FBXW10B: variants seen among roughly 807,000 people sequenced by gnomAD.
FBXW10B encodes the protein F-box and WD repeat domain containing 10B.
the FBXW10B span, among the ~76,000 whole-genome samples, chr17:15,568,291 A>G: frequency 6.6e-6 from 1 of 152,032 alleles, no homozygotes; most frequent in East Asian, 1.9e-4. Flanking sequence ...CTGGAGGTGC[A>G]GTGGTGACTA....
chr17:15,617,036 G>A, the FBXW10B span, among the ~76,000 whole-genome samples: 3 of 152,134 alleles, frequency 2.0e-5, no homozygotes, highest in Admixed American at 2.0e-4. Context: ...AGCCCACGTG[G>A]TGGGTGACCT....
chr17:15,598,698 A>C, the FBXW10B span: 25 of 1,591,484 alleles, frequency 1.6e-5, 1 homozygote, highest in Non-Finnish European at 2.1e-5. Flanking sequence ...CTGAGGGCCC[A>C]AAGGATCATA....
At chr17:15,589,112 C>T in the FBXW10B span, 913,393 of 1,404,844 alleles carry the variant, frequency 0.65, 261,813 homozygotes, top group Middle Eastern at 0.78. Flanking sequence ...TGGAGTCTCA[C>T]ATGAGCACAC....
chr17:15,593,472 A>G, the FBXW10B span: 1 of 1,614,168 alleles, frequency 6.2e-7, no homozygotes, highest in Non-Finnish European at 8.5e-7. Flanking sequence ...CCGGAGGAAG[A>G]GAAGGGACAC....
At chr17:15,580,885 T>C in the FBXW10B span, among the ~76,000 whole-genome samples, 5 of 152,070 alleles carry the variant, frequency 3.3e-5, no homozygotes, top group Admixed American at 3.3e-4. Context: ...AACAAGCACT[T>C]TTTAAGTGCT....
chr17:15,593,461 C>G, the FBXW10B span: 2 of 1,614,088 alleles, frequency 1.2e-6, no homozygotes, highest in Non-Finnish European at 1.7e-6. Flanking sequence ...GCGCTGATGA[C>G]CCGGAGGAAG....
the FBXW10B span, among the ~76,000 whole-genome samples, chr17:15,614,329 C>T: frequency 6.6e-6 from 1 of 152,152 alleles, no homozygotes; most frequent in South Asian, 2.1e-4. Flanking sequence ...GCTGGGACTA[C>T]AGGCGCCCGC....
the FBXW10B span, among the ~76,000 whole-genome samples, chr17:15,580,140 G>A: frequency 5.3e-5 from 8 of 151,550 alleles, no homozygotes; most frequent in Admixed American, 2.0e-4. Context: ...ACCATGAACC[G>A]ATTTGCATGC....
At chr17:15,605,503 G>T in the FBXW10B span, 70 of 1,226,108 alleles carry the variant, frequency 5.7e-5, no homozygotes, top group Non-Finnish European at 7.6e-5. Context: ...CATGACTTTT[G>T]CCTACAGCAG....
chr17:15,602,926 G>A, the FBXW10B span, among the ~76,000 whole-genome samples: 4 of 110,828 alleles, frequency 3.6e-5, 1 homozygote, highest in Non-Finnish European at 5.2e-5. Context: ...CGCGCCCGGC[G>A]AGACCGAGTT....
chr17:15,608,432 T>C, the FBXW10B span, among the ~76,000 whole-genome samples: 1 of 151,478 alleles, frequency 6.6e-6, no homozygotes, highest in Non-Finnish European at 1.5e-5. Flanking sequence ...AGTGCTGGGA[T>C]TACAGGCGTG....
the FBXW10B span, among the ~76,000 whole-genome samples, chr17:15,567,074 A>T: frequency 6.6e-6 from 1 of 150,758 alleles, no homozygotes; most frequent in Non-Finnish European, 1.5e-5. Flanking sequence ...GATCCAGACC[A>T]TCCTGGCTAA....
chr17:15,608,835 C>T, the FBXW10B span, among the ~76,000 whole-genome samples: 3,146 of 152,326 alleles, frequency 0.021, 104 homozygotes, highest in African/African-American at 0.068. Flanking sequence ...TCACTTGCCC[C>T]ACAAAATGTT....
the FBXW10B span, chr17:15,596,681 G>C: frequency 2.5e-6 from 4 of 1,612,378 alleles, no homozygotes; most frequent in Non-Finnish European, 3.4e-6. Flanking sequence ...GAGGGAGACA[G>C]AGGAAGACAT....
chr17:15,566,785 C>T, the FBXW10B span, among the ~76,000 whole-genome samples: 15,858 of 150,442 alleles, frequency 0.11, 1,015 homozygotes, highest in Middle Eastern at 0.17. Flanking sequence ...AGGATGGTCT[C>T]GATCTCCTGA....
chr17:15,601,468 G>C, the FBXW10B span, among the ~76,000 whole-genome samples: 2 of 148,228 alleles, frequency 1.3e-5, no homozygotes, highest in East Asian at 2.0e-4. Context: ...CATGCTTTTA[G>C]AACTAATAAG....
the FBXW10B span, chr17:15,571,388 A>G: frequency 6.6e-5 from 10 of 152,142 alleles, no homozygotes; most frequent in Non-Finnish European, 1.3e-4. Context: ...GCCCTACTCC[A>G]AAGAAGAAAT....
At chr17:15,596,143 C>T in the FBXW10B span, among the ~76,000 whole-genome samples, 2 of 152,250 alleles carry the variant, frequency 1.3e-5, no homozygotes, top group East Asian at 1.9e-4. Context: ...GCCTCAGCCT[C>T]CCAAAGTGCT....
the FBXW10B span, chr17:15,565,737 G>T: frequency 1.2e-6 from 2 of 1,613,940 alleles, no homozygotes; most frequent in Non-Finnish European, 1.7e-6. Flanking sequence ...TCAACAGCAC[G>T]AACTCAGCGT....
Sources: gnomAD v4.1 joint callset for allele counts (sites outside exome capture counted in the v4.1 genomes callset) on GRCh38, gnomAD v4.1.1 for gene constraint, MANE v1.5 for transcripts, NCBI Gene and HGNC (gene_info 2026-07-23, HGNC 2026-07-21) for gene names.